SLC25A10: variants seen among roughly 807,000 people sequenced by gnomAD.
SLC25A10 encodes mitochondrial dicarboxylate carrier.
Under a neutral mutation model 40.4 loss-of-function variants are expected in SLC25A10, and 32 were observed. That is an observed-to-expected ratio of 0.79 (90% confidence interval 0.60 to 1.06). SLC25A10 has a LOEUF of 1.06. SLC25A10 is among the 50% of genes least tolerant of loss of function. The pLI is 0.00. For missense variants in SLC25A10, 394 were observed against 402.6 expected, an observed-to-expected ratio of 0.98 and a Z score of 0.18; for synonymous variants, 181 against 171.1, an observed-to-expected ratio of 1.06 and a Z score of -0.45.
chr17:81,712,952 C>T (rs1395507103), intron 1 of SLC25A10, among the ~76,000 whole-genome samples: 2 of 152,200 alleles, frequency 1.3e-5, no homozygotes, highest in African/African-American at 2.4e-5. Flanking sequence ...CTGTAGCATA[C>T]CCAGGGTGTG....
intron 8 of SLC25A10, 132 bp downstream of exon 8, chr17:81,717,623 G>T: frequency 7.8e-7 from 1 of 1,281,512 alleles, no homozygotes; most frequent in African/African-American, 1.5e-5. Context: ...GCTCATAAGT[G>T]GGGTGCCAGG....
At position 81,719,892 on chromosome 17, in the gene SLC25A10, A is replaced by G. The variant is rs750960273; in HGVS notation, c.762+5A>G. 8 of 1,613,866 alleles carry G rather than the reference A, an allele frequency of 5.0e-6. No individual in the cohort carries two copies. Among genetic ancestry groups the G allele is most frequent in the Middle Eastern group, 1.7e-4 (1 of 5,950 alleles). ...GGGCCTCTGGCCTTTTACAAGGTGCAGTGGTGGCGGCAGTGGCGGCTTGGG... is the reference window on the plus strand; with the variant it reads ...GGGCCTCTGGCCTTTTACAAGGTGCGGTGGTGGCGGCAGTGGCGGCTTGGG... On this transcript the variant is annotated splice_donor_5th_base_variant and intron_variant, in intron 10 of 10. Coordinates refer to ENST00000350690, the MANE Select transcript of SLC25A10 (RefSeq NM_012140.5).
chr17:81,715,024 C>T lies in SLC25A10; in HGVS notation c.165C>T (p.Asp55=), dbSNP rs769642133. The change falls in exon 2 of 11, where the codon GAC becomes GAT. Residue 55 remains aspartate, a synonymous_variant. Transcript: ENST00000350690. ...TGMALRVVRT[D]GILALYSGLS... ...TGGCGCTGCGGGTGGTGCGTACCGA[C>T]GGCATCCTGGCACTCTACAGCGGCC... The T allele has an allele frequency of 6.0e-5, 97 of 1,610,050 alleles. No individual in the cohort carries two copies. The highest frequency in any genetic ancestry group is 2.9e-4 in the African/African-American group (22 of 74,894).
At chr17:81,716,922 G>C in intron 6 of SLC25A10, 67 bp downstream of exon 6, 2 of 1,605,120 alleles carry the variant, frequency 1.2e-6, no homozygotes, top group Admixed American at 3.4e-5. Flanking sequence ...CGCTGTAGAA[G>C]ACTGGGCGCT....
chr17:81,718,515 C>T (rs183924344), intron 9 of SLC25A10, among the ~76,000 whole-genome samples: 47 of 152,180 alleles, frequency 3.1e-4, no homozygotes, highest in Admixed American at 2.9e-3. Flanking sequence ...ATTGGTCAGG[C>T]TTGGTGGTGC....
chr17:81,714,008 A>G (rs1480489277), intron 1 of SLC25A10, among the ~76,000 whole-genome samples: 1 of 152,182 alleles, frequency 6.6e-6, no homozygotes, highest in Admixed American at 6.5e-5. Flanking sequence ...CCATGTCCCT[A>G]CAGTCCCTAC....
At position 81,715,546 on chromosome 17, in the gene SLC25A10, G is replaced by A; in HGVS notation, c.282G>A (p.Gln94=). ...TVRDRVAKGS[Q]GPLPFHEKVL... ...GGGACCGTGTGGCCAAGGGCAGCCA[G>A]GGGCCTCTCCCCTTCCACGAGAAGG... is the stretch of plus-strand genomic sequence containing the variant. The change falls in exon 3 of 11, where the codon CAG becomes CAA. Residue 94 remains glutamine (Q), a synonymous_variant. Coordinates refer to ENST00000350690, the MANE Select transcript of SLC25A10 (RefSeq NM_012140.5). The A allele has an allele frequency of 6.2e-7, 1 of 1,612,650 alleles. No homozygotes were observed. The highest frequency in any genetic ancestry group is 2.2e-5 in the East Asian group (1 of 44,874).
intron 5 of SLC25A10, 77 bp downstream of exon 5, chr17:81,716,127 C>G: frequency 6.7e-7 from 1 of 1,481,502 alleles, no homozygotes; most frequent in Non-Finnish European, 9.2e-7. Context: ...GCTGCTCTGC[C>G]GTGACCCAGC....
Position 81,712,494 on chromosome 17 carries a change from G to C in SLC25A10, c.68G>C (p.Cys23Ser). The part of the protein sequence containing the change: ...GGLASCGAAC[C>S]THPLDLLKVH... ...CTGGCCTCCTGCGGGGCCGCCTGCTGCACGCACCCGCTGGACCTGCTCAAG... is the reference window on the plus strand; with the variant it reads ...CTGGCCTCCTGCGGGGCCGCCTGCTCCACGCACCCGCTGGACCTGCTCAAG... Residue 23 changes from cysteine (C) to serine (S), a missense_variant, in exon 1 of 11, where the codon TGC becomes TCC. By Grantham distance (112) the Cys-to-Ser change is moderately radical. Coordinates refer to ENST00000350690, the MANE Select transcript of SLC25A10 (RefSeq NM_012140.5). 1.5e-6 allele frequency: 2 copies of C among 1,302,688 alleles called. No homozygotes were observed. Among genetic ancestry groups the C allele is most frequent in the Non-Finnish European group, 1.9e-6 (2 of 1,027,854 alleles). The allele number at this position is 1,302,688 out of a possible 1,614,324, so 80.7% of individuals were successfully genotyped here.
In SLC25A10 at chr17:81,713,368, C is replaced by G. The variant is rs979745628; in HGVS notation, c.93+849C>G. 3.7e-6 allele frequency: 3 copies of G among 820,350 alleles called. No individual in the cohort carries two copies. The African/African-American group carries it at 5.6e-5, about 15-fold the overall frequency. The allele number at this position is 820,350 out of a possible 1,614,324, so 50.8% of individuals were successfully genotyped here. On this transcript the variant is annotated intron_variant, in intron 1 of 10. Transcript: ENST00000350690. Reference sequence around the variant, plus strand: ...GCCCAGCAGGCCCTGCCCTGTGAACCTGGCTGTGGTCACTGGGCAGCCGCC... The same window carrying G: ...GCCCAGCAGGCCCTGCCCTGTGAACGTGGCTGTGGTCACTGGGCAGCCGCC...
intron 9 of SLC25A10, among the ~76,000 whole-genome samples, 156 bp from the exon 10 acceptor site, chr17:81,719,675 T>TA (rs2144546875): frequency 6.6e-6 from 1 of 152,170 alleles, no homozygotes; most frequent in African/African-American, 2.4e-5. Context: ...GGTCACCTGT[T>TA]ACCAGCCAGC....
rs754509050 is a variant in SLC25A10, at chr17:81,719,834, G to A, written c.709G>A (p.Val237Ile). The change falls in exon 10 of 11, where the codon GTT becomes ATT. Residue 237 changes from valine (V) to isoleucine (I), a missense_variant. Val to Ile is a conservative substitution (Grantham distance 29, BLOSUM62 3). Coordinates refer to ENST00000350690, the MANE Select transcript of SLC25A10 (RefSeq NM_012140.5). ...LMNSKGEYQGVFHCAVETAKL... is the reference protein window; with the variant it reads ...LMNSKGEYQGIFHCAVETAKL... The stretch of plus-strand genomic sequence containing the variant: ...TGTTTCACTGCGTTTTCTGCAGGGC[G>A]TTTTCCACTGCGCCGTGGAGACAGC... The A allele has an allele frequency of 1.5e-5, 25 of 1,613,164 alleles. No individual in the cohort carries two copies. Among genetic ancestry groups the A allele is most frequent in the Admixed American group, 1.2e-4 (7 of 60,002 alleles).
chr17:81,717,412 A>G lies in SLC25A10; in HGVS notation c.548A>G (p.Asp183Gly), dbSNP rs200233289. The change falls in exon 8 of 11, where the codon GAC becomes GGC. Residue 183 changes from aspartate (D) to glycine (G), a missense_variant. Physicochemically the swap from Asp to Gly is moderately conservative, Grantham distance 94 (BLOSUM62 -1). Transcript: ENST00000350690. ...LVTVGQLSCY[D>G]QAKQLVLSTG... ...GTGCCCCTGCAGCTGTCCTGCTACGACCAGGCCAAGCAGCTGGTCCTTAGC... is the reference window on the plus strand; with the variant it reads ...GTGCCCCTGCAGCTGTCCTGCTACGGCCAGGCCAAGCAGCTGGTCCTTAGC... The G allele has an allele frequency of 1.9e-6, 3 of 1,613,420 alleles. No individual in the cohort carries two copies. The highest frequency in any genetic ancestry group is 2.5e-6 in the Non-Finnish European group (3 of 1,179,920).
intron 5 of SLC25A10, 190 bp from the exon 6 acceptor site, chr17:81,716,622 G>C (rs1430481440): frequency 1.6e-6 from 1 of 613,904 alleles, no homozygotes; most frequent in African/African-American, 1.8e-5. Flanking sequence ...TCCTCCCTGA[G>C]GGCCGGGCGG....
At chr17:81,713,325 T>C (rs752935772) in intron 1 of SLC25A10, 9 of 346,810 alleles carry the variant, frequency 2.6e-5, no homozygotes, top group Admixed American at 6.5e-5. Flanking sequence ...AGAAAGGGCC[T>C]GAGGCTTTGC....
chr17:81,717,904 C>A, intron 9 of SLC25A10, 43 bp downstream of exon 9: 1 of 1,486,466 alleles, frequency 6.7e-7, no homozygotes. Flanking sequence ...CACAGCCCAG[C>A]GAGTCCCCTC....
intron 5 of SLC25A10, among the ~76,000 whole-genome samples, chr17:81,716,521 T>C (rs74006104): frequency 0.03 from 4,535 of 152,220 alleles, 87 homozygotes; most frequent in African/African-American, 0.054. Context: ...ACACAGACTG[T>C]GTTCCCCCAG....
rs1442904713 is a variant in SLC25A10 at position 81,716,846 on chromosome 17, G to C, written c.454G>C (p.Ala152Pro). ...AHALDGLYRV[A>P]REEGLRRLFS... The stretch of plus-strand genomic sequence containing the variant: ...TGCGCTGGATGGCCTGTACCGCGTA[G>C]CTCGTGAAGGTGAGGGGCAGGTGCT... The change falls in exon 6 of 11, where the codon GCT becomes CCT. Residue 152 changes from alanine to proline, a missense_variant. By Grantham distance (27) the Ala-to-Pro change is conservative. Coordinates refer to ENST00000350690, the MANE Select transcript of SLC25A10 (RefSeq NM_012140.5). 6.2e-7 allele frequency: 1 copy of C among 1,611,230 alleles called. No individual in the cohort carries two copies. The highest frequency in any genetic ancestry group is 2.2e-5 in the East Asian group (1 of 44,804).
rs992662474 is a variant in SLC25A10, at chr17:81,712,285, C to G, written c.-142C>G. The G allele has an allele frequency of 1.4e-5, 4 of 290,476 alleles. No individual in the cohort carries two copies. The highest frequency in any genetic ancestry group is 2.2e-5 in the Non-Finnish European group (4 of 185,854). 18.0% of individuals were successfully genotyped at this position (290,476 alleles called of 1,614,324 possible). On this transcript the variant is annotated 5_prime_UTR_variant, in exon 1 of 11. Transcript: ENST00000350690. The stretch of plus-strand genomic sequence containing the variant: ...GTCCCGCCCCCGGGGCGCGCGCGCG[C>G]ATTGGCTGTGCGGGGTGCGGGCGCG...
Sources: allele counts gnomAD v4.1 joint callset (sites outside exome capture counted in the v4.1 genomes callset), GRCh38; gene constraint gnomAD v4.1.1; transcripts MANE v1.5; gene names NCBI Gene and HGNC (gene_info 2026-07-23, HGNC 2026-07-21).